The following CARD14 variants were observed in gnomAD, a reference collection of about 807,000 sequenced individuals.
The protein encoded by CARD14 is caspase recruitment domain-containing protein 14.
CARD14 carries 107 observed loss-of-function variants against 111.5 expected under a neutral mutation model. The observed-to-expected ratio is 0.96, with a 90% CI of 0.82 to 1.13. The LOEUF (loss-of-function observed/expected upper bound fraction) is 1.13, where lower values mean the gene tolerates loss of function less well. CARD14 is among the 50% of genes most tolerant of loss of function. The pLI, the probability that CARD14 is intolerant of heterozygous loss-of-function variation, is 0.00. For missense variants in CARD14, 1,322 were observed against 1,362.3 expected, an observed-to-expected ratio of 0.97 and a Z score of 0.47; for synonymous variants, 617 against 579.6, an observed-to-expected ratio of 1.06 and a Z score of -0.93.
rs202149094 is a variant in CARD14 at position 80,190,882 on chromosome 17, C to T, written c.1072C>T (p.Gln358Ter). The T allele has an allele frequency of 6.2e-7, 1 of 1,613,888 alleles. No homozygotes were observed. The highest frequency in any genetic ancestry group is 1.7e-5 in the Admixed American group (1 of 60,012). The change falls in exon 10 of 24, where the codon CAG (glutamine) becomes TAG (stop). Residue 358 changes from glutamine (Q) to a stop codon, truncating the protein, a stop_gained. Coordinates refer to ENST00000648509, the MANE Select transcript of CARD14 (RefSeq NM_001366385.1). LOFTEE classifies it high-confidence loss of function. ...GCTGCAGGCCCAGGTGTGCGAGCTGCAGAAGGAGCGAGACCAGGTACCTGA... is the reference window on the plus strand; with the variant it reads ...GCTGCAGGCCCAGGTGTGCGAGCTGTAGAAGGAGCGAGACCAGGTACCTGA... ...NALQAQVCEL[Q>*]KERDQAYSAR... is the part of the protein sequence containing the mutation.
Position 80,181,589 on chromosome 17 carries a change from C to T in CARD14, c.151C>T (p.Gln51Ter). Residue 51 changes from glutamine to a stop codon, truncating the protein, a stop_gained, in exon 5 of 24, where the codon CAG becomes TAG. Transcript: ENST00000648509. LOFTEE classifies it high-confidence loss of function. ...PYLRQAKVLC[Q>*]LDEEEVLHSP... ...CCTGCGCCAGGCCAAGGTGCTGTGC[C>T]AGCTGGACGAGGAGGAGGTGCTGCA... 6.4e-7 allele frequency: 1 copy of T among 1,562,134 alleles called. No individual in the cohort carries two copies. Among genetic ancestry groups the T allele is most frequent in the Non-Finnish European group, 8.7e-7 (1 of 1,153,394 alleles).
In CARD14 at chr17:80,198,223, AGC is replaced by A. The variant is rs2040789242; in HGVS notation, c.1658+62_1658+63del. On this transcript the variant is annotated intron_variant, in intron 15 of 23. Coordinates refer to ENST00000648509, the MANE Select transcript of CARD14 (RefSeq NM_001366385.1). This position sits in a 1 kb window ranked among gnomAD's most constrained non-coding sequence, Gnocchi z 7.5. ...GGGAACCAGGGCCAGGGAGTGGCAG[AGC>A]AGAGGGTGAGTGTCCTATTACCAAT... 12 of 1,595,432 alleles carry A rather than the reference AGC, an allele frequency of 7.5e-6. No individual in the cohort carries two copies. The Middle Eastern group carries it at 1.3e-3, about 178-fold the overall frequency.
chr17:80,208,205 G>A lies in CARD14; in HGVS notation c.2875G>A (p.Asp959Asn), dbSNP rs941457666. The A allele has an allele frequency of 9.0e-6, 14 of 1,555,746 alleles. No homozygotes were observed. The African/African-American group carries it at 1.8e-4, about 20-fold the overall frequency. ...GGAGGCTGCGAGGCAGGAGGAGGGA[G>A]ACCTGGACCGGGCGCCCTGTCTATA... ...LLEAARQEEG[D>N]LDRAPCLYSS... Residue 959 changes from aspartate to asparagine, a missense_variant, in exon 24 of 24, where the codon GAC becomes AAC. Transcript: ENST00000648509.
Position 80,202,332 on chromosome 17 carries a change from C to T in CARD14, c.2131C>T (p.Gln711Ter). Residue 711 changes from glutamine to a stop codon, truncating the protein, a stop_gained, in exon 18 of 24, where the codon CAG becomes TAG. Transcript: ENST00000648509. LOFTEE classifies it high-confidence loss of function. ...CCTGCACGTCACCGACACCATGTTC[C>T]AGGGCTGCGGCTGCTGGCATGCCCA... is the stretch of plus-strand genomic sequence containing the variant. Reference protein sequence around the residue: ...EVLHVTDTMFQGCGCWHAHRV... With the variant: ...EVLHVTDTMF 1 of 1,613,644 alleles carries T rather than the reference C, an allele frequency of 6.2e-7. No homozygotes were observed. The highest frequency in any genetic ancestry group is 8.5e-7 in the Non-Finnish European group (1 of 1,180,016).
At chr17:80,191,036 C>A (rs1261674387) in intron 10 of CARD14, 137 bp downstream of exon 10, 8 of 1,236,154 alleles carry the variant, frequency 6.5e-6, no homozygotes, top group Non-Finnish European at 8.9e-6. Context: ...CCTCGGTCCA[C>A]ACGAAGTTTC....
chr17:80,178,252 C>A (rs1440920220), intron 2 of CARD14, among the ~76,000 whole-genome samples: 1 of 152,142 alleles, frequency 6.6e-6, no homozygotes, highest in Admixed American at 6.6e-5. Flanking sequence ...ATAACTACTG[C>A]GCCTGTCAAC....
Position 80,198,326 on chromosome 17 carries a change from A to G in CARD14, c.1659-73A>G. 3.2e-6 allele frequency: 5 copies of G among 1,560,574 alleles called. No individual in the cohort carries two copies. The highest frequency in any genetic ancestry group is 4.3e-6 in the Non-Finnish European group (5 of 1,149,978). ...TTCCAGAACACTGGGGCCAGAGGGA[A>G]GCAATGGGGAGGTGGCCTTGCCGGC... On this transcript the variant is annotated intron_variant, in intron 15 of 23. Transcript: ENST00000648509. This position sits in a 1 kb window ranked among gnomAD's most constrained non-coding sequence, Gnocchi z 7.5.
chr17:80,206,020 G>GGCACGGA (rs2041282307), intron 22 of CARD14: 2 of 182,538 alleles, frequency 1.1e-5, no homozygotes, highest in Non-Finnish European at 2.3e-5. Context: ...ACGGGAAGCC[G>GGCACGGA]AGTCTGGCAT....
In CARD14 at chr17:80,187,908, G is replaced by C. The variant is rs188508718; in HGVS notation, c.676-469G>C. 5 of 985,568 alleles carry C rather than the reference G, an allele frequency of 5.1e-6. No individual in the cohort carries two copies. In the African/African-American group the frequency reaches 7.0e-5, roughly 14 times the overall value. The allele number at this position is 985,568 out of a possible 1,614,324, so 61.1% of individuals were successfully genotyped here. ...GGAGCTTTGCTGTCTGAACAGCCCCGGTCCCGCGTTCCCAGGCACGTCTAC... is the reference window on the plus strand; with the variant it reads ...GGAGCTTTGCTGTCTGAACAGCCCCCGTCCCGCGTTCCCAGGCACGTCTAC... On this transcript the variant is annotated intron_variant, in intron 7 of 23. Coordinates refer to ENST00000648509, the MANE Select transcript of CARD14 (RefSeq NM_001366385.1).
intron 18 of CARD14, 125 bp downstream of exon 18, chr17:80,202,545 A>AG: frequency 6.8e-7 from 1 of 1,467,526 alleles, no homozygotes; most frequent in Non-Finnish European, 9.0e-7. Context: ...CCCCCTAAGG[A>AG]GGGAAGCCTG....
At chr17:80,200,544 A>T (rs1199469585) in intron 16 of CARD14, 1 of 152,040 alleles carries the variant, frequency 6.6e-6, no homozygotes, top group Non-Finnish European at 1.5e-5. Flanking sequence ...GCCCTTCTTT[A>T]CATTTCTAGT....
intron 7 of CARD14, 77 bp downstream of exon 7, chr17:80,184,315 C>A: frequency 5.8e-6 from 7 of 1,204,930 alleles, no homozygotes; most frequent in Non-Finnish European, 7.8e-6. Context: ...GGTCCATCTC[C>A]CTGGAACTCC....
In CARD14 at chr17:80,190,903, C is replaced by A; in HGVS notation, c.1089+4C>A. 1 of 1,613,060 alleles carries A rather than the reference C, an allele frequency of 6.2e-7. No individual in the cohort carries two copies. Among genetic ancestry groups the A allele is most frequent in the South Asian group, 1.1e-5 (1 of 91,054 alleles). On this transcript the variant is annotated splice_donor_region_variant and intron_variant, in intron 10 of 23. Coordinates refer to ENST00000648509, the MANE Select transcript of CARD14 (RefSeq NM_001366385.1). Reference sequence around the variant, plus strand: ...GCTGCAGAAGGAGCGAGACCAGGTACCTGAGAGGCCGGGCCCACCCCGCCA... The same window carrying A: ...GCTGCAGAAGGAGCGAGACCAGGTAACTGAGAGGCCGGGCCCACCCCGCCA...
chr17:80,208,396 G>A lies in CARD14; in HGVS notation c.*51G>A. 1 of 1,474,300 alleles carries A rather than the reference G, an allele frequency of 6.8e-7. No homozygotes were observed. Among genetic ancestry groups the A allele is most frequent in the African/African-American group, 1.4e-5 (1 of 72,842 alleles). 91.3% of individuals were successfully genotyped at this position (1,474,300 alleles called of 1,614,324 possible). ...TGGGGGCTTCTGTGTGCCTGTTAATGCAGTCCTGTTCCTCAGCCCAGGCCC... is the reference window on the plus strand; with the variant it reads ...TGGGGGCTTCTGTGTGCCTGTTAATACAGTCCTGTTCCTCAGCCCAGGCCC... On this transcript the variant is annotated 3_prime_UTR_variant, in exon 24 of 24. Coordinates refer to ENST00000648509, the MANE Select transcript of CARD14 (RefSeq NM_001366385.1).
At chr17:80,178,905 C>A (rs2040087317) in intron 3 of CARD14, among the ~76,000 whole-genome samples, 199 bp from the exon 4 acceptor site, 1 of 152,170 alleles carries the variant, frequency 6.6e-6, no homozygotes, top group South Asian at 2.1e-4. Flanking sequence ...GTCACCATGA[C>A]TGGCTAATTT....
At chr17:80,173,532 ATTATTT>A (rs1428539045) in intron 2 of CARD14, among the ~76,000 whole-genome samples, 2 of 151,540 alleles carry the variant, frequency 1.3e-5, no homozygotes, top group African/African-American at 4.9e-5. Flanking sequence ...GTTTTTTTTT[ATTATTT>A]TTATTTTTTA....
chr17:80,196,562 G>T (rs1004758392), intron 14 of CARD14: 31 of 152,210 alleles, frequency 2.0e-4, no homozygotes, highest in African/African-American at 7.0e-4. Context: ...GATCCCAATG[G>T]GTTTTTGCCT....
rs1468993176 is a variant in CARD14, at chr17:80,204,218, C to T, written c.2284-9C>T. ...GCTCCTCCTCATCCTTTCTCTGTCC[C>T]TCCTTTAGCCATCTTCTGGGGGACC... On this transcript the variant is annotated splice_polypyrimidine_tract_variant and intron_variant, in intron 19 of 23. Coordinates refer to ENST00000648509, the MANE Select transcript of CARD14 (RefSeq NM_001366385.1). 1.9e-6 allele frequency: 3 copies of T among 1,578,816 alleles called. No homozygotes were observed. The highest frequency in any genetic ancestry group is 2.7e-5 in the African/African-American group (2 of 74,090).
At position 80,202,167 on chromosome 17, in the gene CARD14, C is replaced by A. The variant is rs377635873; in HGVS notation, c.1979-13C>A. The stretch of plus-strand genomic sequence containing the variant: ...TCTGTGGCTCATCTGTGGCTCATGT[C>A]CCCTTTTATCAGGTTATAAGAGGCT... On this transcript the variant is annotated splice_polypyrimidine_tract_variant and intron_variant, in intron 17 of 23. Coordinates refer to ENST00000648509, the MANE Select transcript of CARD14 (RefSeq NM_001366385.1). 7 of 1,600,428 alleles carry A rather than the reference C, an allele frequency of 4.4e-6. No individual in the cohort carries two copies. In the Admixed American group the frequency reaches 1.0e-4, roughly 23 times the overall value.
Sources: gnomAD v4.1 joint callset for allele counts (sites outside exome capture counted in the v4.1 genomes callset) on GRCh38, gnomAD v4.1.1 for gene constraint, Gnocchi (gnomAD v3.1) non-coding constraint, MANE v1.5 for transcripts, NCBI Gene and HGNC (gene_info 2026-07-23, HGNC 2026-07-21) for gene names.